The following NSMCE2 variants were observed in gnomAD, a reference collection of about 807,000 sequenced individuals.
NSMCE2 encodes E3 SUMO-protein ligase NSE2.
In NSMCE2, 24 loss-of-function variants were observed where a neutral mutation model predicts 23.8. That is an observed-to-expected ratio of 1.01 (90% CI 0.73 to 1.42). The LOEUF is 1.42. Ranked by LOEUF, NSMCE2 falls within the 40% of genes most tolerant of loss-of-function variation. The probability of loss-of-function intolerance (pLI) is 0.00; values close to 1 mark genes in which losing one functional copy is unlikely to be tolerated. For synonymous variants in NSMCE2, 92 were observed against 94.1 expected (o/e 0.98, Z 0.13); for missense variants, 284 against 296.5 (o/e 0.96, Z 0.31).
chr8:125,148,848 C>T (rs1229575867), intron 3 of NSMCE2, among the ~76,000 whole-genome samples: 1 of 152,136 alleles, frequency 6.6e-6, no homozygotes, highest in Non-Finnish European at 1.5e-5. Flanking sequence ...AATCAATTTA[C>T]TGAAATGTAA....
At chr8:125,210,229 A>T (rs1424542709) in intron 5 of NSMCE2, among the ~76,000 whole-genome samples, 4 of 152,228 alleles carry the variant, frequency 2.6e-5, no homozygotes, top group African/African-American at 7.2e-5. Flanking sequence ...TATGAAAGTC[A>T]TTTGCAACAG....
chr8:125,250,223 T>G (rs1826148800), intron 5 of NSMCE2, among the ~76,000 whole-genome samples: 1 of 152,154 alleles, frequency 6.6e-6, no homozygotes, highest in Non-Finnish European at 1.5e-5. Context: ...CTCCTGACCT[T>G]GGGTGATCCG....
At chr8:125,341,680 C>G (rs1830252550) in intron 5 of NSMCE2, among the ~76,000 whole-genome samples, 1 of 152,046 alleles carries the variant, frequency 6.6e-6, no homozygotes, top group African/African-American at 2.4e-5. Context: ...AATTTGACAC[C>G]TATCCCCCAA....
chr8:125,233,713 G>A (rs1036669456), intron 5 of NSMCE2, among the ~76,000 whole-genome samples: 8 of 152,210 alleles, frequency 5.3e-5, no homozygotes, highest in African/African-American at 1.7e-4. Flanking sequence ...GATGAAACTC[G>A]TGATAAGATT....
chr8:125,098,185 A>G (rs1049969232), intron 1 of NSMCE2, among the ~76,000 whole-genome samples: 1 of 152,206 alleles, frequency 6.6e-6, no homozygotes, highest in South Asian at 2.1e-4. Context: ...TCCAGCAATC[A>G]GTGTTTTAAT....
chr8:125,121,707 G>A (rs940209641), intron 3 of NSMCE2, among the ~76,000 whole-genome samples: 3 of 152,108 alleles, frequency 2.0e-5, no homozygotes, highest in South Asian at 2.1e-4. Flanking sequence ...TAGCCAACTT[G>A]TGATGCTTTT....
chr8:125,365,351 G>A (rs565912401), intron 7 of NSMCE2, among the ~76,000 whole-genome samples: 1 of 152,252 alleles, frequency 6.6e-6, no homozygotes, highest in Admixed American at 6.5e-5. Flanking sequence ...GGTCAAGCAT[G>A]TCCTGAAGCT....
At chr8:125,262,981 A>G (rs1826761757) in intron 5 of NSMCE2, among the ~76,000 whole-genome samples, 1 of 152,158 alleles carries the variant, frequency 6.6e-6, no homozygotes, top group African/African-American at 2.4e-5. Context: ...CTAGATCTAT[A>G]TGTTTATGCT....
intron 3 of NSMCE2, among the ~76,000 whole-genome samples, chr8:125,115,103 T>G (rs1818936414): frequency 1.3e-5 from 2 of 152,342 alleles, no homozygotes; most frequent in South Asian, 4.1e-4. Flanking sequence ...ACATTTTAGG[T>G]TCTCTTTAAA....
intron 5 of NSMCE2, among the ~76,000 whole-genome samples, chr8:125,349,812 A>T (rs1812957920): frequency 6.6e-6 from 1 of 152,174 alleles, no homozygotes. Context: ...ATTACCACAC[A>T]GCCTACTGTA....
intron 5 of NSMCE2, among the ~76,000 whole-genome samples, chr8:125,296,148 C>T (rs1175994467): frequency 1.3e-5 from 2 of 152,166 alleles, no homozygotes; most frequent in Admixed American, 6.5e-5. Context: ...TAATACTTTC[C>T]ATGGCCCTAT....
intron 3 of NSMCE2, among the ~76,000 whole-genome samples, chr8:125,123,594 G>A (rs755178052): frequency 2.6e-5 from 4 of 152,174 alleles, no homozygotes; most frequent in East Asian, 1.9e-4. Flanking sequence ...GTGTACATGC[G>A]CACACGCACA....
chr8:125,102,031 T>A lies in NSMCE2; in HGVS notation c.-110-20T>A, dbSNP rs1004851855. 6.1e-5 allele frequency: 15 copies of A among 247,500 alleles called. No individual in the cohort carries two copies. In the Admixed American group the frequency reaches 6.4e-4, roughly 11 times the overall value. The allele number at this position is 247,500 out of a possible 1,614,324, so 15.3% of individuals were successfully genotyped here. On this transcript the variant is annotated intron_variant, in intron 1 of 7. Transcript: ENST00000287437. The stretch of plus-strand genomic sequence containing the variant: ...TCTTGTAGGCTTTTAAGAACTGTGC[T>A]ATTGTTGACTTCTTCACAGAATCAA...
At chr8:125,248,743 GTGTATTCTA>G (rs1468059856) in intron 5 of NSMCE2, among the ~76,000 whole-genome samples, 4 of 152,236 alleles carry the variant, frequency 2.6e-5, no homozygotes, top group South Asian at 2.1e-4. Context: ...CATTTTTCAA[GTGTATTCTA>G]TGTATTACCT....
Position 125,352,313 on chromosome 8 carries a change from A to G in NSMCE2, c.419-4906A>G, listed in dbSNP as rs529855014. ...ACCAACATGGAGAAACCCCGTCTCT[A>G]CTAAAAATACAAAATTAGCCGAGGT... is the stretch of plus-strand genomic sequence containing the variant. On this transcript the variant is annotated intron_variant, in intron 5 of 7. Coordinates refer to ENST00000287437, the MANE Select transcript of NSMCE2 (RefSeq NM_173685.4). Among the ~76,000 whole-genome samples the G allele has an allele frequency of 8.5e-5, 13 of 152,208 alleles. 1 individual carries two copies. The East Asian group carries it at 1.6e-3, about 18-fold the overall frequency.
At chr8:125,157,859 A>G (rs1262785641) in intron 4 of NSMCE2, among the ~76,000 whole-genome samples, 1 of 152,208 alleles carries the variant, frequency 6.6e-6, no homozygotes, top group African/African-American at 2.4e-5. Context: ...AGTTTGCCCC[A>G]TAATACTAAT....
chr8:125,235,351 A>G (rs929301106), intron 5 of NSMCE2, among the ~76,000 whole-genome samples: 5 of 151,570 alleles, frequency 3.3e-5, no homozygotes, highest in East Asian at 1.9e-4. Context: ...TTGAGCATAT[A>G]TTTCTTAATA....
chr8:125,265,925 C>T (rs759472431), intron 5 of NSMCE2, among the ~76,000 whole-genome samples: 1 of 151,918 alleles, frequency 6.6e-6, no homozygotes, highest in African/African-American at 2.4e-5. Context: ...ATCATGAACC[C>T]TCTATTACTT....
At chr8:125,293,546 T>C (rs1382945895) in intron 5 of NSMCE2, among the ~76,000 whole-genome samples, 1 of 134,998 alleles carries the variant, frequency 7.4e-6, no homozygotes, top group African/African-American at 3.0e-5. Flanking sequence ...TGTGGAAAGC[T>C]CCATGCTAAT....
Sources: gnomAD v4.1 joint callset for allele counts (sites outside exome capture counted in the v4.1 genomes callset) on GRCh38, gnomAD v4.1.1 for gene constraint, MANE v1.5 for transcripts, NCBI Gene and HGNC (gene_info 2026-07-23, HGNC 2026-07-21) for gene names.